The following FCRL5 variants were observed in gnomAD, a reference collection of about 807,000 sequenced individuals.
FCRL5 encodes Fc receptor like 5.
FCRL5 carries 79 observed loss-of-function variants against 92.1 expected under a neutral mutation model. The ratio of observed to expected loss-of-function variants is 0.86; its 90% CI spans 0.72 to 1.03. The LOEUF (loss-of-function observed/expected upper bound fraction) is 1.03. FCRL5 is among the 50% of genes least tolerant of loss of function. The pLI is 0.00. For synonymous variants in FCRL5, 466 were observed against 469.3 expected (o/e 0.99, Z 0.09); for missense variants, 1,160 against 1,181.1 (o/e 0.98, Z 0.26).
At position 157,539,173 on chromosome 1, in the gene FCRL5, T is replaced by G; in HGVS notation, c.1315A>C (p.Thr439Pro). Residue 439 changes from threonine to proline, a missense_variant, in exon 7 of 17, where the codon ACT becomes CCT. Thr to Pro is a conservative substitution (Grantham distance 38). Transcript: ENST00000361835. ...AGGVAISFSL[T>P]AEHSGNYYCT... ...TAGTAGTTCCCTGAATGCTCTGCAG[T>G]CAGAGAGAAGCTGATGGCCACTCCT... 6.2e-7 allele frequency: 1 copy of G among 1,614,188 alleles called. No homozygotes were observed. Among genetic ancestry groups the G allele is most frequent in the Non-Finnish European group, 8.5e-7 (1 of 1,180,030 alleles).
chr1:157,534,446 C>G, intron 8 of FCRL5, 168 bp downstream of exon 8: 2 of 781,512 alleles, frequency 2.6e-6, no homozygotes, highest in Non-Finnish European at 4.5e-6. Context: ...TCTGGCTGAG[C>G]CAGGACTTAT....
rs546146442 is a variant in FCRL5 at position 157,551,595 on chromosome 1, CA to C, written c.31+736del. 2.6e-3 allele frequency among the ~76,000 whole-genome samples: 396 copies of C among 152,350 alleles called. 4 individuals are homozygous for C. The highest frequency in any genetic ancestry group is 9.0e-3 in the African/African-American group (376 of 41,584). On this transcript the variant is annotated intron_variant, in intron 1 of 16. Coordinates refer to ENST00000361835, the MANE Select transcript of FCRL5 (RefSeq NM_031281.3). The stretch of plus-strand genomic sequence containing the variant: ...CCTTCTATGTCATGACTTTCCAGAA[CA>C]TAGACGTAGTGTCTCCTATGGACTC...
chr1:157,539,179 A>G lies in FCRL5; in HGVS notation c.1309T>C (p.Ser437Pro), dbSNP rs755466665. 3.7e-6 allele frequency: 6 copies of G among 1,614,218 alleles called. No homozygotes were observed. Among genetic ancestry groups the G allele is most frequent in the East Asian group, 4.5e-5 (2 of 44,886 alleles). The change falls in exon 7 of 17, where the codon TCT (serine) becomes CCT (proline). Residue 437 changes from serine to proline, a missense_variant. Physicochemically the swap from Ser to Pro is moderately conservative, Grantham distance 74 (BLOSUM62 -1). Transcript: ENST00000361835. ...TTCCCTGAATGCTCTGCAGTCAGAG[A>G]GAAGCTGATGGCCACTCCTCCTGCA... is the stretch of plus-strand genomic sequence containing the variant. Reference protein sequence around the residue: ...NSAGGVAISFSLTAEHSGNYY... With the variant: ...NSAGGVAISFPLTAEHSGNYY...
At chr1:157,529,100 A>T (rs1253367058) in intron 8 of FCRL5, among the ~76,000 whole-genome samples, 1 of 152,262 alleles carries the variant, frequency 6.6e-6, no homozygotes, top group Non-Finnish European at 1.5e-5. Flanking sequence ...CAAAGTACTC[A>T]AACAAATCAT....
In FCRL5 at chr1:157,524,360, C is replaced by T; in HGVS notation, c.2158G>A (p.Glu720Lys). 6.2e-7 allele frequency: 1 copy of T among 1,614,240 alleles called. No individual in the cohort carries two copies. Among genetic ancestry groups the T allele is most frequent in the Non-Finnish European group, 8.5e-7 (1 of 1,180,042 alleles). ...TCACAGGAGTAGATTCCAGAATGTT[C>T]TGTAGTCAGAGAGAGGTTGAAGGAG... ...GASFNLSLTT[E>K]HSGIYSCEAD... is the part of the protein sequence containing the mutation. The change falls in exon 10 of 17, where the codon GAA becomes AAA. Residue 720 changes from glutamate to lysine, a missense_variant. Coordinates refer to ENST00000361835, the MANE Select transcript of FCRL5 (RefSeq NM_031281.3).
In FCRL5 at chr1:157,521,359, C is replaced by T. The variant is rs917231746; in HGVS notation, c.2240-67G>A. ...CATATTTGTAAGAAACAAAAGGTAT[C>T]ATAAACAAATGTAAAAAGTCATATC... is the stretch of plus-strand genomic sequence containing the variant. On this transcript the variant is annotated intron_variant, in intron 10 of 16. Coordinates refer to ENST00000361835, the MANE Select transcript of FCRL5 (RefSeq NM_031281.3). 5.3e-6 allele frequency: 8 copies of T among 1,497,244 alleles called. No individual in the cohort carries two copies. In the African/African-American group the frequency reaches 1.1e-4, roughly 21 times the overall value. 92.7% of individuals were successfully genotyped at this position (1,497,244 alleles called of 1,614,324 possible).
chr1:157,534,469 C>A, intron 8 of FCRL5, 145 bp downstream of exon 8: 2 of 945,262 alleles, frequency 2.1e-6, no homozygotes, highest in Admixed American at 2.0e-5. Context: ...GTACGGAAAA[C>A]CCCAGCTAGT....
rs554539755 is a variant in FCRL5 at position 157,521,388 on chromosome 1, A to G, written c.2240-96T>C. The G allele has an allele frequency of 6.3e-5, 87 of 1,375,726 alleles. 1 individual carries two copies. The highest frequency in any genetic ancestry group is 5.6e-4 in the Middle Eastern group (3 of 5,346). 85.2% of individuals were successfully genotyped at this position (1,375,726 alleles called of 1,614,324 possible). ...AACAAATGTAAAAAGTCATATCTCAATCTTGGAAAGTAGATTAAAACATAG... is the reference window on the plus strand; with the variant it reads ...AACAAATGTAAAAAGTCATATCTCAGTCTTGGAAAGTAGATTAAAACATAG... On this transcript the variant is annotated intron_variant, in intron 10 of 16. Transcript: ENST00000361835.
Position 157,521,309 on chromosome 1 carries a change from A to C in FCRL5, c.2240-17T>G, listed in dbSNP as rs74749594. On this transcript the variant is annotated splice_polypyrimidine_tract_variant and intron_variant, in intron 10 of 16. Coordinates refer to ENST00000361835, the MANE Select transcript of FCRL5 (RefSeq NM_031281.3). Reference sequence around the variant, plus strand: ...ACACCGGAACTGAAAGAGAACAAAAAGTCAACAGCAGTTTCTGCTTCTAAC... The same window carrying C: ...ACACCGGAACTGAAAGAGAACAAAACGTCAACAGCAGTTTCTGCTTCTAAC... 3.2e-4 allele frequency: 511 copies of C among 1,578,458 alleles called. 1 individual carries two copies. In the African/African-American group the frequency reaches 3.8e-3, roughly 12 times the overall value.
In FCRL5 at chr1:157,539,229, G is replaced by T; in HGVS notation, c.1259C>A (p.Ala420Asp). The change falls in exon 7 of 17, where the codon GCC (alanine) becomes GAC (aspartate). Residue 420 changes from alanine to aspartate, a missense_variant. Ala to Asp is a moderately radical substitution (Grantham distance 126). Transcript: ENST00000361835. ...AGAGTTGGCCGACCTACGCTCCAGG[G>T]CAGCACCCTCATGATGAAACTGGTA... ...ILYQFHHEGA[A>D]LERRSANSAG... 3 of 1,614,178 alleles carry T rather than the reference G, an allele frequency of 1.9e-6. No homozygotes were observed. Among genetic ancestry groups the T allele is most frequent in the Non-Finnish European group, 2.5e-6 (3 of 1,180,032 alleles).
intron 2 of FCRL5, among the ~76,000 whole-genome samples, chr1:157,548,955 A>C (rs1651684264): frequency 6.6e-6 from 1 of 152,142 alleles, no homozygotes; most frequent in Admixed American, 6.5e-5. Flanking sequence ...AATGGACTAC[A>C]AATCATGCTG....
intron 15 of FCRL5, 45 bp from the exon 16 acceptor site, chr1:157,515,918 G>T: frequency 3.1e-6 from 5 of 1,607,380 alleles, no homozygotes; most frequent in Non-Finnish European, 4.3e-6. Flanking sequence ...CTGGCATGGG[G>T]CTCTTCCCTT....
chr1:157,529,638 C>T lies in FCRL5; in HGVS notation c.1682-1743G>A, dbSNP rs547669051. ...GTGTACACTATGGAATACTACTCAG[C>T]CATAAAAAGGAACAAAATAATGGCA... On this transcript the variant is annotated intron_variant, in intron 8 of 16. Coordinates refer to ENST00000361835, the MANE Select transcript of FCRL5 (RefSeq NM_031281.3). 5.3e-5 allele frequency among the ~76,000 whole-genome samples: 8 copies of T among 151,886 alleles called. No individual in the cohort carries two copies. In the South Asian group the frequency reaches 1.0e-3, roughly 20 times the overall value.
rs573044878 is a variant in FCRL5, at chr1:157,525,308, G to A, written c.1961-751C>T. Reference sequence around the variant, plus strand: ...TGAAATTAACCAGTTGATGATGGAGGTGGAGAGTGCACCAGGCAGGCAAAC... The same window carrying A: ...TGAAATTAACCAGTTGATGATGGAGATGGAGAGTGCACCAGGCAGGCAAAC... On this transcript the variant is annotated intron_variant, in intron 9 of 16. Coordinates refer to ENST00000361835, the MANE Select transcript of FCRL5 (RefSeq NM_031281.3). Among the ~76,000 whole-genome samples the A allele has an allele frequency of 1.2e-4, 18 of 152,348 alleles. 1 individual carries two copies. The South Asian group carries it at 3.7e-3, about 32-fold the overall frequency.
chr1:157,552,270 T>G, intron 1 of FCRL5, 62 bp downstream of exon 1: 6 of 1,527,694 alleles, frequency 3.9e-6, no homozygotes, highest in Non-Finnish European at 5.4e-6. Context: ...GGACCAGGCC[T>G]GCGGTGGAGA....
chr1:157,545,222 AT>A (rs1651475425), intron 3 of FCRL5, 140 bp from the exon 4 acceptor site: 1 of 1,071,776 alleles, frequency 9.3e-7, no homozygotes, highest in African/African-American at 1.6e-5. Flanking sequence ...TTTTTTTCTG[AT>A]TTAAAAATGA....
intron 3 of FCRL5, among the ~76,000 whole-genome samples, chr1:157,545,760 C>T (rs1483253358): frequency 1.3e-5 from 2 of 152,070 alleles, no homozygotes; most frequent in South Asian, 2.1e-4. Flanking sequence ...AATCTCCTGA[C>T]CTCGTGATCC....
At chr1:157,544,701 C>T in intron 4 of FCRL5, 130 bp downstream of exon 4, 1 of 1,437,326 alleles carries the variant, frequency 7.0e-7, no homozygotes, top group Non-Finnish European at 9.6e-7. Context: ...TATACTTCCT[C>T]TGCTCCTTGC....
intron 10 of FCRL5, 191 bp downstream of exon 10, chr1:157,524,087 GA>G: frequency 1.7e-6 from 1 of 572,962 alleles, no homozygotes; most frequent in Non-Finnish European, 3.1e-6. Context: ...AGACTGCTGG[GA>G]AACATCAGAT....
Sources: allele counts gnomAD v4.1 joint callset (sites outside exome capture counted in the v4.1 genomes callset), GRCh38; gene constraint gnomAD v4.1.1; transcripts MANE v1.5; gene names NCBI Gene and HGNC (gene_info 2026-07-23, HGNC 2026-07-21).